Variants in ODR4 observed in about 807,000 individuals in gnomAD.
ODR4 encodes odr-4 GPCR localization factor homolog.
Under a neutral mutation model 60.2 loss-of-function variants are expected in ODR4, and 47 were observed. The observed-to-expected ratio is 0.78, with a 90% CI of 0.62 to 1.00. ODR4 has a LOEUF of 1.00. Among genes scored for constraint, ODR4 ranks in the 50% least tolerant of loss-of-function variants. The probability of loss-of-function intolerance (pLI) is 0.00; values close to 1 mark genes in which losing one functional copy is unlikely to be tolerated. For synonymous variants in ODR4, 178 were observed against 175.5 expected, an observed-to-expected ratio of 1.01 and a Z score of -0.11; for missense variants, 488 against 530.8, an observed-to-expected ratio of 0.92 and a Z score of 0.79.
intron 12 of ODR4, among the ~76,000 whole-genome samples, chr1:186,409,685 A>C (rs573294955): frequency 2.4e-4 from 36 of 152,296 alleles, no homozygotes; most frequent in African/African-American, 7.5e-4. Context: ...AGCTGGGATT[A>C]CAGGTGCGTG....
At chr1:186,414,307 C>T (rs898499451) in intron 12 of ODR4, among the ~76,000 whole-genome samples, 21 of 151,894 alleles carry the variant, frequency 1.4e-4, no homozygotes, top group Non-Finnish European at 4.4e-5. Context: ...GCTCAGAGTA[C>T]GATCTTCTAG....
At chr1:186,430,439 A>G in the ODR4 span, among the ~76,000 whole-genome samples, 1 of 152,052 alleles carries the variant, frequency 6.6e-6, no homozygotes, top group African/African-American at 2.4e-5. Context: ...GAGGAACTTA[A>G]TGATAGAGAT....
At chr1:186,430,402 G>A in the ODR4 span, among the ~76,000 whole-genome samples, 1 of 152,116 alleles carries the variant, frequency 6.6e-6, no homozygotes, top group Non-Finnish European at 1.5e-5. Context: ...ATTTGTTGAG[G>A]AGATTTTTTG....
At chr1:186,433,572 TTTTTATTA>T in the ODR4 span, among the ~76,000 whole-genome samples, 1 of 152,064 alleles carries the variant, frequency 6.6e-6, no homozygotes, top group African/African-American at 2.4e-5. Flanking sequence ...CAATGCTTTA[TTTTTATTA>T]TTTTATTATT....
At chr1:186,428,909 A>G in the ODR4 span, among the ~76,000 whole-genome samples, 1 of 152,234 alleles carries the variant, frequency 6.6e-6, no homozygotes, top group Non-Finnish European at 1.5e-5. Context: ...CAAAACAATT[A>G]TAATAGTGAC....
chr1:186,381,410 T>C (rs1349569480), intron 2 of ODR4, among the ~76,000 whole-genome samples: 2 of 151,696 alleles, frequency 1.3e-5, no homozygotes, highest in African/African-American at 4.9e-5. Context: ...CACTGCAGGC[T>C]CCGCCCCCTG....
At chr1:186,433,317 AT>A in the ODR4 span, among the ~76,000 whole-genome samples, 317 of 150,500 alleles carry the variant, frequency 2.1e-3, 1 homozygote, top group African/African-American at 4.6e-3. Context: ...AAATACTCTT[AT>A]TTTTTTTTAA....
At chr1:186,378,536 A>G (rs1292028598) in intron 1 of ODR4, among the ~76,000 whole-genome samples, 1 of 152,234 alleles carries the variant, frequency 6.6e-6, no homozygotes, top group Non-Finnish European at 1.5e-5. Context: ...GAATGAATAT[A>G]CTGACTTCCA....
At chr1:186,423,322 TACTA>T (rs561085415), downstream of ODR4, among the ~76,000 whole-genome samples, 394 of 151,854 alleles carry the variant, frequency 2.6e-3, 10 homozygotes, top group Admixed American at 0.022. Context: ...TGATAGCACT[TACTA>T]ACACTTGTAA....
At chr1:186,401,093 C>T (rs774082615) in intron 11 of ODR4, 1 of 1,595,632 alleles carries the variant, frequency 6.3e-7, no homozygotes, top group Non-Finnish European at 8.6e-7. Flanking sequence ...TTAGCAGACA[C>T]ATTAGTATAC....
At chr1:186,392,648 G>A (rs1180133087) in intron 8 of ODR4, among the ~76,000 whole-genome samples, 3 of 148,498 alleles carry the variant, frequency 2.0e-5, no homozygotes, top group Non-Finnish European at 4.5e-5. Flanking sequence ...GAAACCCTGT[G>A]TCTACTAAAA....
the ODR4 span, among the ~76,000 whole-genome samples, chr1:186,431,761 T>C: frequency 3.1e-4 from 47 of 152,242 alleles, no homozygotes; most frequent in African/African-American, 1.1e-3. Flanking sequence ...CAGATTTCAG[T>C]AATGGCAAAG....
chr1:186,381,332 C>CTTTTTTTTTTTTTTTTTTTTTTTTT (rs752239468), intron 2 of ODR4, among the ~76,000 whole-genome samples: 1 of 144,598 alleles, frequency 6.9e-6, no homozygotes, highest in African/African-American at 2.5e-5. Flanking sequence ...GGCCTTCCTT[C>CTTTTTTTTTTTTTTTTTTTTTTTTT]TTTTTTTTTT....
At chr1:186,408,266 A>G (rs1296500779) in intron 12 of ODR4, among the ~76,000 whole-genome samples, 1 of 152,056 alleles carries the variant, frequency 6.6e-6, no homozygotes, top group African/African-American at 2.4e-5. Flanking sequence ...CTTCTTTTCT[A>G]AAAATTTTAT....
At chr1:186,389,554 C>G in intron 5 of ODR4, 34 bp from the exon 6 acceptor site, 1 of 1,482,318 alleles carries the variant, frequency 6.7e-7, no homozygotes. Context: ...CCAATAATGC[C>G]TTTTTTGGTT....
chr1:186,418,093 C>A (rs917718510), intron 13 of ODR4, among the ~76,000 whole-genome samples: 1 of 152,088 alleles, frequency 6.6e-6, no homozygotes, highest in African/African-American at 2.4e-5. Flanking sequence ...AATTTTTGAA[C>A]AAGGAACATG....
At chr1:186,400,704 C>A in intron 11 of ODR4, 1 of 225,810 alleles carries the variant, frequency 4.4e-6, no homozygotes, top group Non-Finnish European at 8.6e-6. Context: ...TAATTATAAT[C>A]TTTTTTTTAT....
At position 186,393,443 on chromosome 1, in the gene ODR4, C is replaced by T. The variant is rs527809607; in HGVS notation, c.712-504C>T. Among the ~76,000 whole-genome samples the T allele has an allele frequency of 1.3e-4, 20 of 152,264 alleles. No homozygotes were observed. In the South Asian group the frequency reaches 4.1e-3, roughly 32 times the overall value. ...CCTGATGACAGTTCAAAAGCTATGG[C>T]CATTTTATAAAAGAGGTTTATAGAG... On this transcript the variant is annotated intron_variant, in intron 8 of 13. Transcript: ENST00000287859.
intron 11 of ODR4, among the ~76,000 whole-genome samples, chr1:186,402,702 C>G (rs113305262): frequency 2.0e-5 from 3 of 152,208 alleles, no homozygotes; most frequent in Admixed American, 6.5e-5. Context: ...ATCTTCCTCC[C>G]TCAGCCTCCC....
Sources: allele counts gnomAD v4.1 joint callset (sites outside exome capture counted in the v4.1 genomes callset), GRCh38; gene constraint gnomAD v4.1.1; transcripts MANE v1.5; gene names NCBI Gene and HGNC (gene_info 2026-07-23, HGNC 2026-07-21).